The following ADAM9 variants were observed in gnomAD, a reference collection of about 807,000 sequenced individuals.
ADAM9 encodes the protein ADAM metallopeptidase domain 9.
Under a neutral mutation model 108.1 loss-of-function variants are expected in ADAM9, and 54 were observed. The ratio of observed to expected loss-of-function variants is 0.50; its 90% CI spans 0.40 to 0.63. The LOEUF (loss-of-function observed/expected upper bound fraction) is 0.63, where lower values mean the gene tolerates loss of function less well. Ranked by LOEUF, ADAM9 falls within the 20% of genes least tolerant of loss-of-function variation. ADAM9 has a pLI of 0.00. For synonymous variants in ADAM9, 316 were observed against 336.0 expected (o/e 0.94, Z 0.65); for missense variants, 830 against 997.7 (o/e 0.83, Z 2.26).
At chr8:39,093,914 CATG>C (rs1175534670) in intron 20 of ADAM9, among the ~76,000 whole-genome samples, 1 of 152,188 alleles carries the variant, frequency 6.6e-6, no homozygotes, top group East Asian at 1.9e-4. Flanking sequence ...GGATTACAGG[CATG>C]TGCCACCCTG....
chr8:39,045,614 G>C (rs1837744165), intron 12 of ADAM9, among the ~76,000 whole-genome samples: 1 of 151,106 alleles, frequency 6.6e-6, no homozygotes, highest in African/African-American at 2.5e-5. Context: ...CCAGTCGACT[G>C]TTGATGGACA....
chr8:39,073,418 C>T (rs1317674251), intron 15 of ADAM9, among the ~76,000 whole-genome samples: 1 of 152,142 alleles, frequency 6.6e-6, no homozygotes, highest in Non-Finnish European at 1.5e-5. Flanking sequence ...TTATCATTAG[C>T]AAATTCTTTT....
At chr8:39,016,291 C>G (rs1836524901) in intron 5 of ADAM9, 97 bp downstream of exon 5, 1 of 1,104,082 alleles carries the variant, frequency 9.1e-7, no homozygotes, top group Non-Finnish European at 1.4e-6. Flanking sequence ...GGGCACTTAG[C>G]AAAATTGGAA....
intron 14 of ADAM9, among the ~76,000 whole-genome samples, chr8:39,066,950 A>G (rs1838498433): frequency 6.6e-6 from 1 of 152,214 alleles, no homozygotes; most frequent in South Asian, 2.1e-4. Context: ...GAAGGGATCC[A>G]GTTTCAGTTT....
chr8:39,037,456 G>GT (rs1235669916), intron 11 of ADAM9, among the ~76,000 whole-genome samples: 200 of 126,054 alleles, frequency 1.6e-3, no homozygotes, highest in African/African-American at 5.5e-3. Flanking sequence ...GTGTGTGTGT[G>GT]TGTTTTTTTT....
intron 14 of ADAM9, among the ~76,000 whole-genome samples, chr8:39,067,253 A>G (rs928166011): frequency 2.0e-5 from 3 of 152,284 alleles, no homozygotes; most frequent in African/African-American, 4.8e-5. Context: ...TTGGTTCCAT[A>G]TGAACTTTAA....
chr8:39,063,112 A>C (rs1838349079), intron 14 of ADAM9, among the ~76,000 whole-genome samples: 1 of 152,136 alleles, frequency 6.6e-6, no homozygotes, highest in African/African-American at 2.4e-5. Context: ...TCCTCCCACC[A>C]TTATCTCACG....
intron 14 of ADAM9, among the ~76,000 whole-genome samples, chr8:39,070,619 A>ATGG (rs1374466458): frequency 6.6e-6 from 1 of 152,148 alleles, no homozygotes; most frequent in Non-Finnish European, 1.5e-5. Flanking sequence ...TTAGCCAAGC[A>ATGG]TGGTGGCGTG....
rs911828512 is a variant in ADAM9, at chr8:39,007,491, G to A, written c.98-395G>A. ...GGGAGGAATGGGAGATGAGTGAAGG[G>A]TGCTAGACTCTAGGATGCCTTTCCC... On this transcript the variant is annotated intron_variant, in intron 1 of 21. Transcript: ENST00000487273. 2.6e-5 allele frequency among the ~76,000 whole-genome samples: 4 copies of A among 152,152 alleles called. No individual in the cohort carries two copies. In the East Asian group the frequency reaches 7.7e-4, roughly 29 times the overall value.
chr8:39,041,676 TATC>T (rs1358869903), intron 11 of ADAM9, among the ~76,000 whole-genome samples: 2 of 152,224 alleles, frequency 1.3e-5, no homozygotes, highest in African/African-American at 4.8e-5. Context: ...TGCTGAGAAT[TATC>T]ATTTTGTATT....
chr8:39,026,891 C>A, intron 11 of ADAM9, 81 bp downstream of exon 11: 1 of 1,551,474 alleles, frequency 6.4e-7, no homozygotes, highest in Non-Finnish European at 8.9e-7. Flanking sequence ...TTCATGTCTA[C>A]ATTGGGAAAA....
At chr8:39,037,458 GTT>G (rs758149510) in intron 11 of ADAM9, among the ~76,000 whole-genome samples, 4 of 126,544 alleles carry the variant, frequency 3.2e-5, no homozygotes, top group Non-Finnish European at 3.2e-5. Context: ...GTGTGTGTGT[GTT>G]TTTTTTTTTT....
At chr8:39,058,085 G>T (rs7832284) in intron 14 of ADAM9, among the ~76,000 whole-genome samples, 62,326 of 151,908 alleles carry the variant, frequency 0.41, 13,546 homozygotes, top group East Asian at 0.71. Context: ...GAGGTAAAGT[G>T]ATGTTTATTC....
intron 11 of ADAM9, among the ~76,000 whole-genome samples, chr8:39,040,796 CAT>C (rs368653615): frequency 1.4e-4 from 22 of 152,240 alleles, no homozygotes; most frequent in Middle Eastern, 3.4e-3. Flanking sequence ...CAAATCCAAA[CAT>C]GTGTAGTCAA....
chr8:39,057,413 A>G (rs2129439110), intron 14 of ADAM9, among the ~76,000 whole-genome samples: 1 of 150,770 alleles, frequency 6.6e-6, no homozygotes, highest in South Asian at 2.1e-4. Flanking sequence ...AAAATCAAAT[A>G]TATTCTCCTG....
intron 20 of ADAM9, 68 bp downstream of exon 20, chr8:39,091,414 C>T: frequency 3.0e-6 from 4 of 1,348,958 alleles, no homozygotes; most frequent in Non-Finnish European, 4.2e-6. Context: ...GGATTAAAAA[C>T]ACAGTTATAT....
intron 11 of ADAM9, among the ~76,000 whole-genome samples, chr8:39,033,368 A>T (rs777707755): frequency 6.6e-6 from 1 of 152,034 alleles, no homozygotes; most frequent in Non-Finnish European, 1.5e-5. Flanking sequence ...CTGTACAAAG[A>T]CAGTTTTTCT....
In ADAM9 at chr8:39,011,711, G is replaced by A; in HGVS notation, c.249G>A (p.Arg83=). 2.5e-6 allele frequency: 4 copies of A among 1,608,680 alleles called. No individual in the cohort carries two copies. The highest frequency in any genetic ancestry group is 3.4e-6 in the Non-Finnish European group (4 of 1,175,152). The part of the protein sequence containing the change: ...EGKEHIIHLE[R]NKDLLPEDFV... The stretch of plus-strand genomic sequence containing the variant: ...AAGAGCATATTATTCACTTGGAAAG[G>A]AACAAGTAAGACATTTAATTTATTT... Residue 83 remains arginine (R), a synonymous_variant, in exon 3 of 22, where the codon AGG becomes AGA. Coordinates refer to ENST00000487273, the MANE Select transcript of ADAM9 (RefSeq NM_003816.3).
At chr8:39,018,570 C>T (rs993787802) in intron 6 of ADAM9, 10 of 389,914 alleles carry the variant, frequency 2.6e-5, no homozygotes, top group Non-Finnish European at 4.2e-5. Flanking sequence ...TAACATTTTT[C>T]TCATATTAGT....
Sources: gnomAD v4.1 joint callset for allele counts (sites outside exome capture counted in the v4.1 genomes callset) on GRCh38, gnomAD v4.1.1 for gene constraint, MANE v1.5 for transcripts, NCBI Gene and HGNC (gene_info 2026-07-23, HGNC 2026-07-21) for gene names.